The following LTBP3 variants were observed in gnomAD, a reference collection of about 807,000 sequenced individuals.
LTBP3 encodes latent transforming growth factor beta binding protein 3.
A neutral mutation model predicts 159.7 loss-of-function variants in LTBP3; 97 were observed. That is an observed-to-expected ratio of 0.61 (90% CI 0.52 to 0.72). The LOEUF is 0.72. LTBP3 is among the 30% of genes least tolerant of loss of function. The pLI is 0.00. For missense variants in LTBP3, 1,584 were observed against 1,864.3 expected, an observed-to-expected ratio of 0.85 and a Z score of 2.77; for synonymous variants, 824 against 777.1, an observed-to-expected ratio of 1.06 and a Z score of -1.00.
intron 11 of LTBP3, chr11:65,548,517 T>G: frequency 4.7e-6 from 1 of 214,114 alleles, no homozygotes; most frequent in East Asian, 1.1e-4. Flanking sequence ...GAAGGGTTGA[T>G]TACCCCCTCC....
In LTBP3 at chr11:65,538,592, G is replaced by A; in HGVS notation, c.*488C>T. ...ACCGTGGCGGTGGCCCTTCCCGGCTGCGGAGAGCCCGCCCCACAGATGTAT... is the reference window on the plus strand; with the variant it reads ...ACCGTGGCGGTGGCCCTTCCCGGCTACGGAGAGCCCGCCCCACAGATGTAT... On this transcript the variant is annotated 3_prime_UTR_variant, in exon 28 of 28. Transcript: ENST00000301873. 3.1e-6 allele frequency: 5 copies of A among 1,602,828 alleles called. No homozygotes were observed. Among genetic ancestry groups the A allele is most frequent in the Non-Finnish European group, 4.3e-6 (5 of 1,174,970 alleles).
At position 65,551,204 on chromosome 11, in the gene LTBP3, G is replaced by A. The variant is rs1429925182; in HGVS notation, c.1642C>T (p.Pro548Ser). 6 of 1,549,016 alleles carry A rather than the reference G, an allele frequency of 3.9e-6. No individual in the cohort carries two copies. The highest frequency in any genetic ancestry group is 5.2e-6 in the Non-Finnish European group (6 of 1,147,656). Residue 548 changes from proline (P) to serine (S), a missense_variant, in exon 11 of 28, where the codon CCC (proline) becomes TCC (serine). Physicochemically the swap from Pro to Ser is moderately conservative, Grantham distance 74 (BLOSUM62 -1). Transcript: ENST00000301873. ...GGCAGGAACCAGCGCATGGTCGGGG[G>A]CGAGGGACGGGAGATCAGCTCTGCG... Reference protein sequence around the residue: ...PYPELISRPSPPTMRWFLPDL... With the variant: ...PYPELISRPSSPTMRWFLPDL...
In LTBP3 at chr11:65,540,369, G is replaced by A. The variant is rs1856047354; in HGVS notation, c.3120C>T (p.Cys1040=). 1.9e-6 allele frequency: 3 copies of A among 1,596,814 alleles called. No individual in the cohort carries two copies. The highest frequency in any genetic ancestry group is 1.1e-5 in the South Asian group (1 of 88,930). Residue 1040 remains cysteine (C), a synonymous_variant, in exon 23 of 28, where the codon TGC becomes TGT. Transcript: ENST00000301873. ...NLLECVDVDE[C]LDESNCRNGV... ...CGTTCCGGCAGTTGGACTCGTCCAG[G>A]CACTCGTCCACGTCTGCAGGGAGGA... is the stretch of plus-strand genomic sequence containing the variant.
rs750231928 is a variant in LTBP3, at chr11:65,553,226, C to G, written c.1001G>C (p.Arg334Pro). Residue 334 changes from arginine (R) to proline (P), a missense_variant, in exon 5 of 28, where the codon CGT becomes CCT. This residue lies in a region of LTBP3 where 156 missense variants were observed against 259.7 expected (regional missense o/e 0.60). Transcript: ENST00000301873. This position sits in a 1 kb window ranked among gnomAD's most constrained non-coding sequence, Gnocchi z 6.5. ...YTGVQKPGPV[R>P]GEVGADCPQG... ...GGGACAGTCAGCGCCCACTTCCCCA[C>G]GTACAGGCCCTGGCTTCTGCACTCC... 7.4e-6 allele frequency: 12 copies of G among 1,614,024 alleles called. No individual in the cohort carries two copies. Among genetic ancestry groups the G allele is most frequent in the Non-Finnish European group, 1.0e-5 (12 of 1,180,022 alleles).
At chr11:65,549,567 C>CTTTTTTTTTTGTTTT (rs1856515029) in intron 11 of LTBP3, among the ~76,000 whole-genome samples, 1 of 64,744 alleles carries the variant, frequency 1.5e-5, no homozygotes, top group African/African-American at 6.9e-5. Flanking sequence ...CCCAGCTAAT[C>CTTTTTTTTTTGTTTT]TTTTTTTTTT....
intron 1 of LTBP3, among the ~76,000 whole-genome samples, chr11:65,556,843 C>T (rs951626293): frequency 2.0e-5 from 3 of 152,124 alleles, no homozygotes; most frequent in African/African-American, 7.2e-5. Context: ...ACTGCTGGGA[C>T]ACCTCCCCGA....
intron 16 of LTBP3, chr11:65,544,158 G>C (rs1276993919): frequency 6.1e-6 from 1 of 164,690 alleles, no homozygotes; most frequent in Admixed American, 5.6e-5. Flanking sequence ...CACATTCCTG[G>C]ATCTCTCGGC....
At chr11:65,551,936 G>A in intron 8 of LTBP3, 36 bp downstream of exon 8, 1 of 1,607,742 alleles carries the variant, frequency 6.2e-7, no homozygotes, top group East Asian at 2.2e-5. Context: ...CTAGGGGCTT[G>A]GCATGGGTCA....
Position 65,547,905 on chromosome 11 carries a change from C to T in LTBP3, c.1846+15G>A. On this transcript the variant is annotated intron_variant, in intron 12 of 27. Transcript: ENST00000301873. The surrounding 1 kb of genome is among the most constrained non-coding windows in gnomAD (Gnocchi z 4.6). Reference sequence around the variant, plus strand: ...CCCCACCCACCTGCATGCCCGCCGCCTGCCCTGCGCTCACCCACGCAGTAG... The same window carrying T: ...CCCCACCCACCTGCATGCCCGCCGCTTGCCCTGCGCTCACCCACGCAGTAG... 6.2e-7 allele frequency: 1 copy of T among 1,613,646 alleles called. No individual in the cohort carries two copies. The highest frequency in any genetic ancestry group is 8.5e-7 in the Non-Finnish European group (1 of 1,179,974).
chr11:65,547,043 A>G lies in LTBP3; in HGVS notation c.2108-123T>C, dbSNP rs766645221. ...CGAGGCTCCCGGACCCCAACCTCTG[A>G]GAGGCCCAGAGCCGAGCATACAGGC... On this transcript the variant is annotated intron_variant, in intron 14 of 27. Transcript: ENST00000301873. The surrounding 1 kb of genome is among the most constrained non-coding windows in gnomAD (Gnocchi z 4.6). 3.1e-5 allele frequency: 44 copies of G among 1,398,418 alleles called. No homozygotes were observed. Among genetic ancestry groups the G allele is most frequent in the Middle Eastern group, 1.9e-4 (1 of 5,390 alleles). 86.6% of individuals were successfully genotyped at this position (1,398,418 alleles called of 1,614,324 possible). A position where few individuals can be genotyped will look rare whatever the true frequency, so the allele number is the denominator to read the frequency against.
At chr11:65,539,503 C>T (rs763137081) in intron 26 of LTBP3, 44 bp from the exon 27 acceptor site, 3 of 1,599,274 alleles carry the variant, frequency 1.9e-6, no homozygotes, top group Middle Eastern at 3.3e-4. Context: ...TGAGCCCCGG[C>T]CAAAGGCTAC....
In LTBP3 at chr11:65,538,786, C is replaced by CT. The variant is rs1855883657; in HGVS notation, c.*293_*294insA. 5 of 822,160 alleles carry CT rather than the reference C, an allele frequency of 6.1e-6. No individual in the cohort carries two copies. Among genetic ancestry groups the CT allele is most frequent in the Non-Finnish European group, 5.4e-6 (3 of 556,158 alleles). 50.9% of individuals were successfully genotyped at this position (822,160 alleles called of 1,614,324 possible). A position where few individuals can be genotyped will look rare whatever the true frequency, so the allele number is the denominator to read the frequency against. On this transcript the variant is annotated 3_prime_UTR_variant, in exon 28 of 28. Coordinates refer to ENST00000301873, the MANE Select transcript of LTBP3 (RefSeq NM_001130144.3). ...CTGCGCAGCCCGCGCCCACGTCAGACGTGAACATCAATTTGCTTCGAAAGC... is the reference window on the plus strand; with the variant it reads ...CTGCGCAGCCCGCGCCCACGTCAGACTGTGAACATCAATTTGCTTCGAAAGC...
intron 19 of LTBP3, 70 bp from the exon 20 acceptor site, chr11:65,541,363 C>T (rs1231941275): frequency 6.4e-7 from 1 of 1,566,222 alleles, no homozygotes; most frequent in Non-Finnish European, 8.7e-7. Flanking sequence ...GCCCACCCAC[C>T]ACAGGTCTTT....
chr11:65,547,075 C>A lies in LTBP3; in HGVS notation c.2108-155G>T, dbSNP rs753536071. 2.0e-4 allele frequency among the ~76,000 whole-genome samples: 30 copies of A among 152,182 alleles called. No homozygotes were observed. Among genetic ancestry groups the A allele is most frequent in the Non-Finnish European group, 3.7e-4 (25 of 68,018 alleles). Reference sequence around the variant, plus strand: ...CAGAGCCGAGCATACAGGCCGGGTGCGGTGGCACACGGCTGTAATCCCAGC... The same window carrying A: ...CAGAGCCGAGCATACAGGCCGGGTGAGGTGGCACACGGCTGTAATCCCAGC... On this transcript the variant is annotated intron_variant, in intron 14 of 27. Transcript: ENST00000301873. This position sits in a 1 kb window ranked among gnomAD's most constrained non-coding sequence, Gnocchi z 4.6.
chr11:65,539,217 G>C lies in LTBP3; in HGVS notation c.3775C>G (p.Arg1259Gly). 1 of 1,526,636 alleles carries C rather than the reference G, an allele frequency of 6.6e-7. No individual in the cohort carries two copies. The highest frequency in any genetic ancestry group is 8.8e-7 in the Non-Finnish European group (1 of 1,133,110). 94.6% of individuals were successfully genotyped at this position (1,526,636 alleles called of 1,614,324 possible). The change falls in exon 28 of 28, where the codon CGA (arginine) becomes GGA (glycine). Residue 1259 changes from arginine to glycine, a missense_variant. Coordinates refer to ENST00000301873, the MANE Select transcript of LTBP3 (RefSeq NM_001130144.3). ...RARCVDIDEC[R>G]ELNQRGLLCK... ...AGCAGCCCGCGCTGGTTCAGCTCTCGGCACTCGTCGATATCTGAAGGTGAG... is the reference window on the plus strand; with the variant it reads ...AGCAGCCCGCGCTGGTTCAGCTCTCCGCACTCGTCGATATCTGAAGGTGAG...
intron 1 of LTBP3, 49 bp downstream of exon 1, chr11:65,557,580 G>T: frequency 6.2e-7 from 1 of 1,601,212 alleles, no homozygotes. Context: ...CTCCCACCGG[G>T]CCTGGTGCCT....
rs775607719 is a variant in LTBP3 at position 65,543,489 on chromosome 11, C to G, written c.2414G>C (p.Gly805Ala). Residue 805 changes from glycine (G) to alanine (A), a missense_variant, in exon 17 of 28, where the codon GGA becomes GCA. Physicochemically the swap from Gly to Ala is moderately conservative, Grantham distance 60 (BLOSUM62 0). This residue lies in a region of LTBP3 where 565 missense variants were observed against 677.7 expected (regional missense o/e 0.83). Transcript: ENST00000301873. Reference sequence around the variant, plus strand: ...AGAGAGGCACTGACACTGGAAAGATCCTGGCGTGTTGCTGCAGATGCCATT... The same window carrying G: ...AGAGAGGCACTGACACTGGAAAGATGCTGGCGTGTTGCTGCAGATGCCATT... ...CDNGICSNTP[G>A]SFQCQCLSGY... 2 of 1,614,120 alleles carry G rather than the reference C, an allele frequency of 1.2e-6. No homozygotes were observed. Among genetic ancestry groups the G allele is most frequent in the Non-Finnish European group, 1.7e-6 (2 of 1,179,992 alleles).
intron 1 of LTBP3, 117 bp downstream of exon 1, chr11:65,557,512 G>A: frequency 2.8e-6 from 4 of 1,426,600 alleles, no homozygotes; most frequent in Non-Finnish European, 3.8e-6. Flanking sequence ...CCAGGCCCTC[G>A]GATCTCTGCC....
chr11:65,547,763 G>C lies in LTBP3; in HGVS notation c.1905C>G (p.Thr635=). 2.5e-6 allele frequency: 4 copies of C among 1,611,450 alleles called. No homozygotes were observed. Among genetic ancestry groups the C allele is most frequent in the Non-Finnish European group, 3.4e-6 (4 of 1,179,210 alleles). The part of the protein sequence containing the change: ...CGPGRGICMN[T]GGSYNCHCNR... ...TGCAGTGGCAATTGTAGGAGCCGCC[G>C]GTGTTCATGCAGATGCCCCTCCCCG... The change falls in exon 13 of 28, where the codon ACC becomes ACG. Residue 635 remains threonine, a synonymous_variant. Coordinates refer to ENST00000301873, the MANE Select transcript of LTBP3 (RefSeq NM_001130144.3). This position sits in a 1 kb window ranked among gnomAD's most constrained non-coding sequence, Gnocchi z 4.6.
Sources: allele counts gnomAD v4.1 joint callset (sites outside exome capture counted in the v4.1 genomes callset), GRCh38; gene constraint gnomAD v4.1.1; regional missense constraint gnomAD v4.1.1; non-coding constraint Gnocchi (gnomAD v3.1); transcripts MANE v1.5; gene names NCBI Gene and HGNC (gene_info 2026-07-23, HGNC 2026-07-21).